KLF12: variants seen among roughly 807,000 people sequenced by gnomAD.
The protein encoded by KLF12 is KLF transcription factor 12, also known as Krueppel-like factor 12.
A neutral mutation model predicts 37.8 loss-of-function variants in KLF12; 9 were observed. The ratio of observed to expected loss-of-function variants is 0.24; its 90% CI spans 0.14 to 0.42. KLF12 has a LOEUF of 0.42. Ranked by LOEUF, KLF12 falls within the 10% of genes least tolerant of loss-of-function variation. The pLI, the probability that KLF12 is intolerant of heterozygous loss-of-function variation, is 1.00. For synonymous variants in KLF12, 208 were observed against 202.1 expected (o/e 1.03, Z -0.25); for missense variants, 411 against 516.0 (o/e 0.80, Z 1.97).
chr13:73,777,750 G>A (rs1880706020), intron 5 of KLF12, among the ~76,000 whole-genome samples: 1 of 151,730 alleles, frequency 6.6e-6, no homozygotes, highest in Admixed American at 6.6e-5. Flanking sequence ...GCAAACGGGT[G>A]TGCAAATGGA....
At chr13:74,241,337 C>G in the KLF12 span, among the ~76,000 whole-genome samples, 1 of 152,160 alleles carries the variant, frequency 6.6e-6, no homozygotes, top group Non-Finnish European at 1.5e-5. Context: ...AGAACCACTG[C>G]TCTCTTCAAA....
the KLF12 span, among the ~76,000 whole-genome samples, chr13:74,285,394 C>T: frequency 6.6e-6 from 1 of 152,126 alleles, no homozygotes; most frequent in Non-Finnish European, 1.5e-5. Context: ...CTGTAGACAT[C>T]AATACTGCTA....
At chr13:73,757,042 A>G (rs1879216692) in intron 6 of KLF12, among the ~76,000 whole-genome samples, 1 of 152,194 alleles carries the variant, frequency 6.6e-6, no homozygotes, top group South Asian at 2.1e-4. Context: ...CCATCTATAC[A>G]GCATACATTA....
At position 73,688,484 on chromosome 13, in the gene KLF12, A is replaced by C. The variant is rs1235196512; in HGVS notation, c.*7006T>G. ...GGGTGAAAATTTCAAATGCATCTGAAGCAGATTCTAGAATGTCTATATTGG... is the reference window on the plus strand; with the variant it reads ...GGGTGAAAATTTCAAATGCATCTGACGCAGATTCTAGAATGTCTATATTGG... On this transcript the variant is annotated 3_prime_UTR_variant, in exon 8 of 8. Coordinates refer to ENST00000377669, the MANE Select transcript of KLF12 (RefSeq NM_007249.5). The C allele has an allele frequency of 6.6e-6, 1 of 152,174 alleles. No homozygotes were observed. Among genetic ancestry groups the C allele is most frequent in the Non-Finnish European group, 1.5e-5 (1 of 68,036 alleles). 9.4% of individuals were successfully genotyped at this position (152,174 alleles called of 1,614,324 possible). A position where few individuals can be genotyped will look rare whatever the true frequency, so the allele number is the denominator to read the frequency against.
the KLF12 span, among the ~76,000 whole-genome samples, chr13:74,180,744 C>T: frequency 6.6e-6 from 1 of 152,088 alleles, no homozygotes; most frequent in African/African-American, 2.4e-5. Context: ...ACTCCTGCCT[C>T]AGCTATAGGA....
chr13:73,814,282 T>A lies in KLF12; in HGVS notation c.671-995A>T, dbSNP rs1472404565. 2.6e-5 allele frequency among the ~76,000 whole-genome samples: 4 copies of A among 152,206 alleles called. No homozygotes were observed. In the East Asian group the frequency reaches 7.7e-4, roughly 29 times the overall value. ...GGGGGAAGGCAAAATGCAGGTGAAA[T>A]CATGGTCATAATGACATTTGGGTAC... On this transcript the variant is annotated intron_variant, in intron 4 of 7. Coordinates refer to ENST00000377669, the MANE Select transcript of KLF12 (RefSeq NM_007249.5).
At chr13:73,741,685 T>C (rs1006729942) in intron 6 of KLF12, among the ~76,000 whole-genome samples, 4 of 152,076 alleles carry the variant, frequency 2.6e-5, no homozygotes, top group African/African-American at 9.7e-5. Context: ...CTTCCCATCA[T>C]GTTTATCAAT....
At chr13:74,158,935 A>C in the KLF12 span, among the ~76,000 whole-genome samples, 1 of 152,202 alleles carries the variant, frequency 6.6e-6, no homozygotes, top group Admixed American at 6.5e-5. Flanking sequence ...ATGTTTTTAA[A>C]GTTAAAAGAG....
chr13:74,290,261 G>A, the KLF12 span, among the ~76,000 whole-genome samples: 1 of 152,178 alleles, frequency 6.6e-6, no homozygotes, highest in Non-Finnish European at 1.5e-5. Context: ...AAGAATAAAA[G>A]CTAGAATAAA....
intron 3 of KLF12, among the ~76,000 whole-genome samples, chr13:73,849,373 C>CAAAAAAAAAAAAA (rs1885196670): frequency 3.1e-5 from 1 of 32,366 alleles, no homozygotes; most frequent in African/African-American, 1.0e-4. Context: ...AGGGAGACTC[C>CAAAAAAAAAAAAA]ATAAAAAAAA....
chr13:73,964,287 A>C (rs755651712), intron 2 of KLF12, among the ~76,000 whole-genome samples: 3 of 152,164 alleles, frequency 2.0e-5, no homozygotes, highest in African/African-American at 4.8e-5. Flanking sequence ...AAATATTAAT[A>C]AGTAGGTCCA....
the KLF12 span, among the ~76,000 whole-genome samples, chr13:74,155,947 T>A: frequency 6.6e-6 from 1 of 152,320 alleles, no homozygotes; most frequent in East Asian, 1.9e-4. Flanking sequence ...TGTCCTAGAA[T>A]CTGCTACTGA....
At chr13:74,225,157 A>G in the KLF12 span, among the ~76,000 whole-genome samples, 1 of 152,142 alleles carries the variant, frequency 6.6e-6, no homozygotes, top group African/African-American at 2.4e-5. Context: ...TAACTGCAGC[A>G]TCTTCAGGAA....
At chr13:73,931,430 C>T (rs1328343788) in intron 3 of KLF12, among the ~76,000 whole-genome samples, 1 of 151,964 alleles carries the variant, frequency 6.6e-6, no homozygotes, top group African/African-American at 2.4e-5. Context: ...GGGCAATAAT[C>T]CAAAGAAGAT....
At chr13:73,723,665 TG>T (rs947395745) in intron 6 of KLF12, among the ~76,000 whole-genome samples, 18 of 152,306 alleles carry the variant, frequency 1.2e-4, no homozygotes, top group Non-Finnish European at 2.5e-4. Context: ...ACATCTGATT[TG>T]GGGACTCTCT....
chr13:74,193,071 C>T, the KLF12 span, among the ~76,000 whole-genome samples: 1 of 149,892 alleles, frequency 6.7e-6, no homozygotes, highest in Non-Finnish European at 1.5e-5. Flanking sequence ...CTGCGGTTCC[C>T]GGGTTCAAGA....
In KLF12 at chr13:74,103,569, AACTCCATATCTTCG is replaced by A. The variant is rs1876484329; in HGVS notation, c.-32+30156_-32+30169del. On this transcript the variant is annotated intron_variant, in intron 1 of 7. Coordinates refer to ENST00000377669, the MANE Select transcript of KLF12 (RefSeq NM_007249.5). ...ACCCCCCAGCGAATTCTGAAGCGCAAACTCCATATCTTCGGTTGGAGCTGTTTGGCTATACAACA... is the reference window on the plus strand; with the variant it reads ...ACCCCCCAGCGAATTCTGAAGCGCAAGTTGGAGCTGTTTGGCTATACAACA... Among the ~76,000 whole-genome samples the A allele has an allele frequency of 1.4e-4, 22 of 152,330 alleles. No homozygotes were observed. The South Asian group carries it at 4.4e-3, about 30-fold the overall frequency.
intron 4 of KLF12, among the ~76,000 whole-genome samples, chr13:73,821,821 C>T (rs555190433): frequency 7.9e-5 from 12 of 152,312 alleles, no homozygotes; most frequent in Middle Eastern, 3.4e-3. Context: ...AATTCTGCCA[C>T]CACAATCTAC....
chr13:73,696,373 G>C (rs916134812), intron 7 of KLF12, among the ~76,000 whole-genome samples: 1 of 152,174 alleles, frequency 6.6e-6, no homozygotes, highest in African/African-American at 2.4e-5. Context: ...AAAGCTGTCT[G>C]AAGAAGCATG....
Sources: allele counts gnomAD v4.1 joint callset (sites outside exome capture counted in the v4.1 genomes callset), GRCh38; gene constraint gnomAD v4.1.1; transcripts MANE v1.5; gene names NCBI Gene and HGNC (gene_info 2026-07-23, HGNC 2026-07-21).